SH3KBP1: variants seen among roughly 807,000 people sequenced by gnomAD.
SH3KBP1 encodes the protein SH3 domain containing kinase binding protein 1, also known as SH3 domain-containing kinase-binding protein 1.
A neutral mutation model predicts 50.1 loss-of-function variants in SH3KBP1; 8 were observed. The observed-to-expected ratio is 0.16, with a 90% CI of 0.09 to 0.29. The LOEUF (loss-of-function observed/expected upper bound fraction) is 0.29. SH3KBP1 is among the 10% of genes least tolerant of loss of function. SH3KBP1 has a pLI of 1.00. For synonymous variants in SH3KBP1, 227 were observed against 218.6 expected (o/e 1.04, Z -0.34); for missense variants, 377 against 535.2 (o/e 0.70, Z 2.92).
chrX:19,579,189 A>G (rs1404167808), intron 12 of SH3KBP1, among the ~76,000 whole-genome samples: 1 of 111,719 alleles, frequency 9.0e-6, no homozygotes, highest in East Asian at 2.8e-4. Flanking sequence ...GAAAGTGCTC[A>G]CTCAATTCCC....
At chrX:19,645,527 G>T in intron 6 of SH3KBP1, 52 bp from the exon 7 acceptor site, 2 of 935,306 alleles carry the variant, frequency 2.1e-6, no homozygotes, top group Non-Finnish European at 3.1e-6. Flanking sequence ...TCTCCATTAA[G>T]CAAAGGAATA....
intron 2 of SH3KBP1, chrX:19,747,815 G>A (rs1407810549): frequency 3.3e-6 from 1 of 300,487 alleles, no homozygotes; most frequent in Non-Finnish European, 6.6e-6. Context: ...ACTAGGCGAA[G>A]CTCAGCCCTA....
intron 2 of SH3KBP1, among the ~76,000 whole-genome samples, chrX:19,825,493 G>A: frequency 9.0e-6 from 1 of 111,677 alleles, no homozygotes; most frequent in Non-Finnish European, 1.9e-5. Flanking sequence ...CTCCTCACTA[G>A]TTTGTGTGAC....
chrX:19,847,316 C>A (rs1160197627), intron 1 of SH3KBP1, among the ~76,000 whole-genome samples: 3 of 111,229 alleles, frequency 2.7e-5, no homozygotes, highest in Middle Eastern at 4.2e-3. Context: ...AGCTGATGGG[C>A]CTCCTGAAAG....
At chrX:19,561,938 G>T (rs770751324) in intron 13 of SH3KBP1, among the ~76,000 whole-genome samples, 1 of 109,022 alleles carries the variant, frequency 9.2e-6, no homozygotes, top group Non-Finnish European at 1.9e-5. Flanking sequence ...AGGTAAGCTT[G>T]GTTCTAAATC....
intron 4 of SH3KBP1, 64 bp downstream of exon 4, chrX:19,706,817 G>T: frequency 1.1e-6 from 1 of 880,241 alleles, no homozygotes; most frequent in Non-Finnish European, 1.7e-6. Context: ...GTCTTCATGG[G>T]TGGGTAAGCA....
chrX:19,781,450 A>G (rs748277163), intron 2 of SH3KBP1, among the ~76,000 whole-genome samples: 1 of 109,721 alleles, frequency 9.1e-6, no homozygotes, highest in Admixed American at 9.9e-5. Context: ...AAACCCGTCT[A>G]AACAACAACA....
intron 3 of SH3KBP1, among the ~76,000 whole-genome samples, chrX:19,739,555 T>C (rs149903864): frequency 0.011 from 1,175 of 110,024 alleles, 24 homozygotes; most frequent in African/African-American, 0.038. Context: ...TCTAGAGTCA[T>C]GCCTATGGGA....
At position 19,569,152 on chromosome X, in the gene SH3KBP1, C is replaced by T; in HGVS notation, c.1335G>A (p.Ser445=). ...DSPKIDLAGS[S]LSGILDKDLS... is the part of the protein sequence containing the mutation. ...GATCTTTGTCCAGGATGCCAGATAG[C>T]GAACTGCCGGCCAAGTCAATCTTTG... The change falls in exon 13 of 18, where the codon TCG becomes TCA. Residue 445 remains serine, a synonymous_variant. Coordinates refer to ENST00000397821, the MANE Select transcript of SH3KBP1 (RefSeq NM_031892.3). 17 of 1,211,299 alleles carry T rather than the reference C, an allele frequency of 1.4e-5. No homozygotes were observed. The highest frequency in any genetic ancestry group is 1.9e-5 in the Non-Finnish European group (17 of 894,815).
At chrX:19,828,431 G>A (rs1214873991) in intron 2 of SH3KBP1, among the ~76,000 whole-genome samples, 1 of 111,609 alleles carries the variant, frequency 9.0e-6, no homozygotes, top group African/African-American at 3.3e-5. Context: ...CCAACACTTG[G>A]GCAGGCCAAG....
intron 3 of SH3KBP1, among the ~76,000 whole-genome samples, chrX:19,730,257 C>T (rs2064337942): frequency 9.0e-6 from 1 of 111,410 alleles, no homozygotes; most frequent in Non-Finnish European, 1.9e-5. Flanking sequence ...GGGAGAATCA[C>T]TAGAGGCTAG....
chrX:19,704,202 C>T (rs375232378), intron 4 of SH3KBP1, among the ~76,000 whole-genome samples: 6 of 112,164 alleles, frequency 5.3e-5, no homozygotes, highest in African/African-American at 9.7e-5. Flanking sequence ...TCCAGAATGA[C>T]GAACAGGATT....
chrX:19,640,401 G>A (rs955018667), intron 7 of SH3KBP1, among the ~76,000 whole-genome samples: 23 of 110,867 alleles, frequency 2.1e-4, no homozygotes, highest in African/African-American at 6.2e-4. Context: ...ACCCCTTGCC[G>A]TGCAGCCCTG....
intron 13 of SH3KBP1, among the ~76,000 whole-genome samples, chrX:19,562,837 C>T (rs973579993): frequency 8.9e-6 from 1 of 111,910 alleles, no homozygotes; most frequent in African/African-American, 3.3e-5. Flanking sequence ...CTCAGGTCAG[C>T]TATTTTGCAG....
At chrX:19,833,406 G>C (rs767330173) in intron 2 of SH3KBP1, among the ~76,000 whole-genome samples, 3 of 96,311 alleles carry the variant, frequency 3.1e-5, no homozygotes, top group South Asian at 5.1e-4. Context: ...TCCTTCCCAG[G>C]GTCCTCCTCT....
At chrX:19,837,592 C>G (rs2068092896) in intron 1 of SH3KBP1, among the ~76,000 whole-genome samples, 1 of 107,041 alleles carries the variant, frequency 9.3e-6, no homozygotes, top group African/African-American at 3.4e-5. Context: ...GAATGCATGC[C>G]ACCCCACCCA....
chrX:19,690,504 T>C (rs1025698016), intron 5 of SH3KBP1, among the ~76,000 whole-genome samples: 1 of 112,185 alleles, frequency 8.9e-6, no homozygotes, highest in African/African-American at 3.2e-5. Context: ...GCAAACTTTC[T>C]CCCTCTGAAG....
In SH3KBP1 at chrX:19,707,074, G is replaced by A. The variant is rs912081568; in HGVS notation, c.287-90C>T. 6 of 771,593 alleles carry A rather than the reference G, an allele frequency of 7.8e-6. No individual in the cohort carries two copies. In the Admixed American group the frequency reaches 1.3e-4, roughly 17 times the overall value. 63.6% of individuals were successfully genotyped at this position (771,593 alleles called of 1,213,427 possible). ...CTTCCTAGGCATGCAGGCAAATTAA[G>A]CTGACTTGTCTCAAATATGCTCTCT... On this transcript the variant is annotated intron_variant, in intron 3 of 17. Coordinates refer to ENST00000397821, the MANE Select transcript of SH3KBP1 (RefSeq NM_031892.3).
chrX:19,827,278 AC>A (rs1797228712), intron 2 of SH3KBP1, among the ~76,000 whole-genome samples: 5 of 111,960 alleles, frequency 4.5e-5, no homozygotes, highest in African/African-American at 1.6e-4. Flanking sequence ...CCGAACACAT[AC>A]AAAAACAGGC....
Sources: allele counts gnomAD v4.1 joint callset (sites outside exome capture counted in the v4.1 genomes callset), GRCh38; gene constraint gnomAD v4.1.1; transcripts MANE v1.5; gene names NCBI Gene and HGNC (gene_info 2026-07-23, HGNC 2026-07-21).